SATB2: variants seen among roughly 807,000 people sequenced by gnomAD.
SATB2 encodes SATB homeobox 2.
In SATB2, 1 loss-of-function variant was observed where a neutral mutation model predicts 73.4. The ratio of observed to expected loss-of-function variants is 0.01; its 90% CI spans 0.00 to 0.06. The LOEUF (loss-of-function observed/expected upper bound fraction) is 0.06, where lower values mean the gene tolerates loss of function less well. Ranked by LOEUF, SATB2 falls within the 10% of genes least tolerant of loss-of-function variation. The probability of loss-of-function intolerance (pLI) is 1.00; values close to 1 mark genes in which losing one functional copy is unlikely to be tolerated. For missense variants in SATB2, 459 were observed against 945.8 expected, an observed-to-expected ratio of 0.49 and a Z score of 6.75; for synonymous variants, 397 against 367.0, an observed-to-expected ratio of 1.08 and a Z score of -0.93.
At chr2:199,412,105 T>C (rs1690838061) in intron 3 of SATB2, among the ~76,000 whole-genome samples, 2 of 152,170 alleles carry the variant, frequency 1.3e-5, no homozygotes, top group African/African-American at 2.4e-5. Flanking sequence ...AGAGCCTGAC[T>C]GCCAGGCCCA....
intron 3 of SATB2, among the ~76,000 whole-genome samples, chr2:199,420,981 G>A (rs1691149169): frequency 6.6e-6 from 1 of 151,988 alleles, no homozygotes; most frequent in Non-Finnish European, 1.5e-5. Flanking sequence ...TGAAAACCCA[G>A]GCAAATACTT....
intron 3 of SATB2, among the ~76,000 whole-genome samples, chr2:199,412,967 T>C (rs985052967): frequency 2.6e-5 from 4 of 152,154 alleles, no homozygotes; most frequent in African/African-American, 9.7e-5. Flanking sequence ...TCTTATTTCT[T>C]TTACAGTAAA....
chr2:199,357,846 T>C (rs1169433301), intron 6 of SATB2, among the ~76,000 whole-genome samples: 1 of 152,144 alleles, frequency 6.6e-6, no homozygotes, highest in Non-Finnish European at 1.5e-5. Context: ...CAGAGAGCTT[T>C]CTCAGGTACC....
chr2:199,307,451 C>T (rs1433364911), intron 10 of SATB2, among the ~76,000 whole-genome samples: 1 of 152,010 alleles, frequency 6.6e-6, no homozygotes, highest in African/African-American at 2.4e-5. Flanking sequence ...AGAAAAGCAC[C>T]AAGAAGGGAA....
intron 9 of SATB2, among the ~76,000 whole-genome samples, chr2:199,322,342 T>C (rs972718174): frequency 1.3e-5 from 2 of 152,226 alleles, no homozygotes; most frequent in African/African-American, 4.8e-5. Flanking sequence ...AAATGCACAG[T>C]AGTTTTGCCA....
chr2:199,358,517 T>A (rs1156406398), intron 6 of SATB2, among the ~76,000 whole-genome samples: 1 of 152,134 alleles, frequency 6.6e-6, no homozygotes, highest in Non-Finnish European at 1.5e-5. Context: ...CCAAAGATTT[T>A]GTTTTTCTCT....
intron 3 of SATB2, among the ~76,000 whole-genome samples, chr2:199,384,318 T>A (rs1188704208): frequency 1.3e-5 from 2 of 152,240 alleles, no homozygotes; most frequent in Non-Finnish European, 2.9e-5. Context: ...CTTTTCCTTT[T>A]TTGCACCTTA....
chr2:199,368,786 G>T, intron 5 of SATB2, 79 bp from the exon 6 acceptor site: 1 of 758,630 alleles, frequency 1.3e-6, no homozygotes, highest in Non-Finnish European at 2.2e-6. Context: ...TTTATAACCT[G>T]CACTAACCTC....
At chr2:199,299,850 T>C (rs1036363796) in intron 10 of SATB2, among the ~76,000 whole-genome samples, 3 of 152,116 alleles carry the variant, frequency 2.0e-5, no homozygotes, top group Non-Finnish European at 2.9e-5. Flanking sequence ...TCTATACAAG[T>C]ATAAAGGAAT....
intron 3 of SATB2, among the ~76,000 whole-genome samples, chr2:199,431,865 T>C (rs1395221154): frequency 6.6e-6 from 1 of 152,226 alleles, no homozygotes; most frequent in Non-Finnish European, 1.5e-5. Context: ...AGCAGTGGGA[T>C]ACAATGACCT....
chr2:199,410,770 T>A (rs1252297964), intron 3 of SATB2, among the ~76,000 whole-genome samples: 1 of 152,212 alleles, frequency 6.6e-6, no homozygotes, highest in Non-Finnish European at 1.5e-5. Context: ...CATAAGGGTA[T>A]CATAAAAGCA....
At chr2:199,302,805 A>C (rs925762192) in intron 10 of SATB2, among the ~76,000 whole-genome samples, 1 of 152,230 alleles carries the variant, frequency 6.6e-6, no homozygotes, top group Non-Finnish European at 1.5e-5. Context: ...GGAGTAGAAA[A>C]TCAGGGTCAG....
intron 9 of SATB2, among the ~76,000 whole-genome samples, chr2:199,315,260 T>C (rs528498218): frequency 2.0e-5 from 3 of 152,214 alleles, no homozygotes; most frequent in Admixed American, 2.0e-4. Context: ...GAATGAGGTA[T>C]GGCAATATCT....
intron 3 of SATB2, among the ~76,000 whole-genome samples, chr2:199,419,353 C>G (rs1691095941): frequency 6.6e-6 from 1 of 152,150 alleles, no homozygotes; most frequent in Non-Finnish European, 1.5e-5. Context: ...CTATTAAACG[C>G]ACTAAGAGAG....
At chr2:199,331,773 T>A (rs958032452) in intron 7 of SATB2, among the ~76,000 whole-genome samples, 1 of 152,036 alleles carries the variant, frequency 6.6e-6, no homozygotes, top group African/African-American at 2.4e-5. Flanking sequence ...GAGAAAAAAA[T>A]CAGAAGAAAA....
intron 9 of SATB2, among the ~76,000 whole-genome samples, chr2:199,313,163 G>GTCAT (rs1687640846): frequency 6.6e-6 from 1 of 152,124 alleles, no homozygotes; most frequent in Non-Finnish European, 1.5e-5. Flanking sequence ...GATATAAGGT[G>GTCAT]TCAACATTAG....
intron 5 of SATB2, among the ~76,000 whole-genome samples, chr2:199,378,851 G>A (rs1402411123): frequency 6.6e-6 from 1 of 152,076 alleles, no homozygotes; most frequent in Non-Finnish European, 1.5e-5. Context: ...CAAACAAGGG[G>A]GGCTCATAAA....
At chr2:199,444,040 C>T (rs1408243811) in intron 2 of SATB2, among the ~76,000 whole-genome samples, 2 of 151,928 alleles carry the variant, frequency 1.3e-5, no homozygotes, top group Non-Finnish European at 2.9e-5. Context: ...ATATGTAGTG[C>T]CTGTGTAATT....
intron 3 of SATB2, among the ~76,000 whole-genome samples, chr2:199,409,916 A>G (rs764937335): frequency 1.3e-5 from 2 of 152,192 alleles, no homozygotes; most frequent in African/African-American, 2.4e-5. Context: ...ATTTAATTAC[A>G]AATCAACAAA....
Sources: allele counts gnomAD v4.1 joint callset (sites outside exome capture counted in the v4.1 genomes callset), GRCh38; gene constraint gnomAD v4.1.1; transcripts MANE v1.5; gene names NCBI Gene and HGNC (gene_info 2026-07-23, HGNC 2026-07-21).